SBF2: variants seen among roughly 807,000 people sequenced by gnomAD.
SBF2 encodes SET binding factor 2.
In SBF2, 112 loss-of-function variants were observed where a neutral mutation model predicts 225.2. The observed-to-expected ratio is 0.50, with a 90% confidence interval of 0.43 to 0.58. The LOEUF is 0.58. Among genes scored for constraint, SBF2 ranks in the 20% least tolerant of loss-of-function variants. SBF2 has a pLI of 0.00. For missense variants in SBF2, 1,996 were observed against 2,206.2 expected, an observed-to-expected ratio of 0.90 and a Z score of 1.91; for synonymous variants, 763 against 773.3, an observed-to-expected ratio of 0.99 and a Z score of 0.22.
At chr11:10,289,555 G>T (rs1360615666) in intron 1 of SBF2, among the ~76,000 whole-genome samples, 2 of 147,900 alleles carry the variant, frequency 1.4e-5, no homozygotes, top group Non-Finnish European at 3.1e-5. Context: ...GCCCTGCCTA[G>T]GGGGGTGCCT....
chr11:9,938,056 C>T (rs971393964), intron 16 of SBF2, among the ~76,000 whole-genome samples: 2 of 150,420 alleles, frequency 1.3e-5, no homozygotes, highest in African/African-American at 4.9e-5. Context: ...ACTTTGGGGG[C>T]CAAGGCGGGC....
chr11:10,183,354 T>C (rs1417651570), intron 2 of SBF2, among the ~76,000 whole-genome samples: 1 of 152,126 alleles, frequency 6.6e-6, no homozygotes, highest in African/African-American at 2.4e-5. Flanking sequence ...CAAGGGAAAC[T>C]TCTAAAAAAA....
rs184014155 is a variant in SBF2, at chr11:9,974,734, C to T, written c.1396-6189G>A. On this transcript the variant is annotated intron_variant, in intron 13 of 39. Transcript: ENST00000256190. ...CTATAATCCCAGCACTTTGCGAGGC[C>T]GAGGCGGGTGGCTCACGGGAGTTCG... Among the ~76,000 whole-genome samples, 23 of 150,566 alleles carry T rather than the reference C, an allele frequency of 1.5e-4. No homozygotes were observed. In the East Asian group the frequency reaches 1.7e-3, roughly 11 times the overall value.
rs201053189 is a variant in SBF2 at position 10,301,982 on chromosome 11, A to AT, written n.386+2509dup. On this transcript the variant is annotated intron_variant and non_coding_transcript_variant, in intron 1 of 5. Transcript: ENST00000685217. ...AAAAAGTAGATCTTCATTAACAAGG[A>AT]TTTTTTTTTCTTTTTCTTTTCTCTT... Among the ~76,000 whole-genome samples the AT allele has an allele frequency of 1.4e-3, 212 of 151,922 alleles. 2 individuals are homozygous for AT. The highest frequency in any genetic ancestry group is 3.4e-3 in the African/African-American group (142 of 41,422).
chr11:10,017,835 T>C (rs1246981329), intron 6 of SBF2, among the ~76,000 whole-genome samples: 1 of 152,150 alleles, frequency 6.6e-6, no homozygotes, highest in East Asian at 1.9e-4. Context: ...TTCAAATACA[T>C]AAAAGGCCAA....
At chr11:9,978,081 GA>G (rs1176890904) in intron 13 of SBF2, among the ~76,000 whole-genome samples, 2 of 151,970 alleles carry the variant, frequency 1.3e-5, no homozygotes, top group African/African-American at 4.8e-5. Flanking sequence ...TATCAAAAGG[GA>G]ATTTTAGAAA....
intron 16 of SBF2, among the ~76,000 whole-genome samples, chr11:9,927,807 C>T (rs1172937292): frequency 6.6e-6 from 1 of 152,114 alleles, no homozygotes; most frequent in Non-Finnish European, 1.5e-5. Flanking sequence ...TACAAAAAAA[C>T]CCTACAGCTA....
chr11:10,301,336 A>G (rs1964597793), intron 1 of SBF2, among the ~76,000 whole-genome samples: 1 of 152,214 alleles, frequency 6.6e-6, no homozygotes, highest in Admixed American at 6.5e-5. Flanking sequence ...TTAGGTCCTT[A>G]GAGAAGTCAG....
At position 10,003,585 on chromosome 11, in the gene SBF2, T is replaced by A. The variant is rs148414547; in HGVS notation, c.620-896A>T. ...GGTTTCACCGTGTTAAGCAGGATGG[T>A]CTTGCTCTCCTGACTTGGTGATACA... On this transcript the variant is annotated intron_variant, in intron 6 of 39. Coordinates refer to ENST00000256190, the MANE Select transcript of SBF2 (RefSeq NM_030962.4). Among the ~76,000 whole-genome samples, 39 of 152,222 alleles carry A rather than the reference T, an allele frequency of 2.6e-4. No homozygotes were observed. The East Asian group carries it at 4.1e-3, about 16-fold the overall frequency.
rs1282218070 is a variant in SBF2 at position 10,251,476 on chromosome 11, T to C, written c.55+42539A>G. Among the ~76,000 whole-genome samples the C allele has an allele frequency of 2.6e-5, 4 of 152,358 alleles. No homozygotes were observed. In the East Asian group the frequency reaches 7.7e-4, roughly 29 times the overall value. ...AAAGTACCTGTGCAGCTACTGACACTTGTGGCCTATGGACAAATCCATCAA... is the reference window on the plus strand; with the variant it reads ...AAAGTACCTGTGCAGCTACTGACACCTGTGGCCTATGGACAAATCCATCAA... On this transcript the variant is annotated intron_variant, in intron 1 of 39. Transcript: ENST00000256190.
Position 10,017,435 on chromosome 11 carries a change from G to T in SBF2, c.619+11017C>A, listed in dbSNP as rs72858810. On this transcript the variant is annotated intron_variant, in intron 6 of 39. Coordinates refer to ENST00000256190, the MANE Select transcript of SBF2 (RefSeq NM_030962.4). ...CTTAATGTAAGTCATGAAAAAGGAG[G>T]TTTCTCATTCACTGAACCAGTATTT... is the stretch of plus-strand genomic sequence containing the variant. 3.5e-4 allele frequency among the ~76,000 whole-genome samples: 53 copies of T among 152,216 alleles called. 1 individual carries two copies. The highest frequency in any genetic ancestry group is 1.8e-3 in the Admixed American group (27 of 15,294).
rs1219207593 is a variant in SBF2 at position 10,011,729 on chromosome 11, A to C, written c.620-9040T>G. 2.6e-5 allele frequency among the ~76,000 whole-genome samples: 4 copies of C among 152,064 alleles called. No homozygotes were observed. In the East Asian group the frequency reaches 7.7e-4, roughly 29 times the overall value. On this transcript the variant is annotated intron_variant, in intron 6 of 39. Coordinates refer to ENST00000256190, the MANE Select transcript of SBF2 (RefSeq NM_030962.4). The stretch of plus-strand genomic sequence containing the variant: ...CTGTTGAGAGACCCGCTGCAATAAT[A>C]TTATAGTTCTATTGATTCATATAGA...
At chr11:10,243,018 T>C (rs1407923148) in intron 1 of SBF2, among the ~76,000 whole-genome samples, 1 of 152,064 alleles carries the variant, frequency 6.6e-6, no homozygotes, top group Non-Finnish European at 1.5e-5. Context: ...CACCCAAAAG[T>C]AGCAGAACAC....
chr11:10,161,856 A>G (rs1298489368), intron 2 of SBF2, among the ~76,000 whole-genome samples: 3 of 151,968 alleles, frequency 2.0e-5, no homozygotes, highest in Non-Finnish European at 2.9e-5. Flanking sequence ...CTGGTGGCAC[A>G]TATCTCTAGT....
intron 1 of SBF2, among the ~76,000 whole-genome samples, chr11:10,215,561 T>A (rs750891445): frequency 7.9e-4 from 120 of 152,174 alleles, no homozygotes; most frequent in Non-Finnish European, 1.4e-3. Flanking sequence ...AGGTCAAGGC[T>A]GCTGTGAGCC....
intron 16 of SBF2, among the ~76,000 whole-genome samples, chr11:9,920,011 T>C (rs1433943059): frequency 2.0e-5 from 3 of 151,958 alleles, no homozygotes; most frequent in Admixed American, 6.6e-5. Flanking sequence ...GGATTACAGG[T>C]GTGAGCCACC....
At chr11:10,125,345 A>C (rs1294391374) in intron 2 of SBF2, among the ~76,000 whole-genome samples, 1 of 151,922 alleles carries the variant, frequency 6.6e-6, no homozygotes, top group African/African-American at 2.4e-5. Flanking sequence ...TGCTATCTTC[A>C]TTAAGTTTTT....
intron 2 of SBF2, among the ~76,000 whole-genome samples, chr11:10,159,673 C>T (rs1049942172): frequency 2.9e-4 from 44 of 152,188 alleles, no homozygotes; most frequent in African/African-American, 1.1e-3. Flanking sequence ...GAGGCCAAGG[C>T]AGGTGGATCA....
intron 1 of SBF2, among the ~76,000 whole-genome samples, chr11:10,221,565 A>T (rs2135407626): frequency 6.6e-6 from 1 of 152,332 alleles, no homozygotes; most frequent in Middle Eastern, 3.4e-3. Context: ...TCATGGAGGG[A>T]ATTTCCCCAC....
Sources: gnomAD v4.1 joint callset for allele counts (sites outside exome capture counted in the v4.1 genomes callset) on GRCh38, gnomAD v4.1.1 for gene constraint, MANE v1.5 for transcripts, NCBI Gene and HGNC (gene_info 2026-07-23, HGNC 2026-07-21) for gene names.